The following EPS15 variants were observed in gnomAD, a reference collection of about 807,000 sequenced individuals.
EPS15 encodes epidermal growth factor receptor substrate 15.
Under a neutral mutation model 113.8 loss-of-function variants are expected in EPS15, and 72 were observed. That is an observed-to-expected ratio of 0.63 (90% CI 0.52 to 0.77). The LOEUF (loss-of-function observed/expected upper bound fraction) is 0.77. EPS15 is among the 30% of genes least tolerant of loss of function. The pLI, the probability that EPS15 is intolerant of heterozygous loss-of-function variation, is 0.00. For missense variants in EPS15, 1,048 were observed against 1,045.8 expected (o/e 1.00, Z -0.03); for synonymous variants, 344 against 363.4 (o/e 0.95, Z 0.61).
At chr1:51,485,538 G>T (rs145291077) in intron 1 of EPS15, among the ~76,000 whole-genome samples, 10 of 151,900 alleles carry the variant, frequency 6.6e-5, no homozygotes, top group South Asian at 2.1e-4. Context: ...GACCAACCTG[G>T]GCAACACAGT....
At chr1:51,431,305 T>C (rs896164091) in intron 12 of EPS15, among the ~76,000 whole-genome samples, 1 of 152,092 alleles carries the variant, frequency 6.6e-6, no homozygotes, top group Non-Finnish European at 1.5e-5. Context: ...AATATATTTA[T>C]GGGTGTAAGT....
intron 8 of EPS15, among the ~76,000 whole-genome samples, chr1:51,451,913 G>GTTTTTTTTTTT (rs1653600800): frequency 7.0e-6 from 1 of 143,782 alleles, no homozygotes; most frequent in African/African-American, 2.6e-5. Context: ...TTTTTTTTTG[G>GTTTTTTTTTTT]TTGGTTTGTT....
chr1:51,468,507 C>G lies in EPS15; in HGVS notation c.275G>C (p.Ser92Thr). The part of the protein sequence containing the change: ...CAQNGLEVSL[S>T]SLNLAVPPPR... ...TGGAGGAACAGCCAGGTTCAAACTA[C>G]TTAGTGAAACTTCCAATCCATTCTG... The change falls in exon 5 of 25, where the codon AGT becomes ACT. Residue 92 changes from serine to threonine, a missense_variant. Ser to Thr is a moderately conservative substitution (Grantham distance 58, BLOSUM62 1). Coordinates refer to ENST00000371733, the MANE Select transcript of EPS15 (RefSeq NM_001981.3). 1 of 1,613,364 alleles carries G rather than the reference C, an allele frequency of 6.2e-7. No homozygotes were observed. Among genetic ancestry groups the G allele is most frequent in the Non-Finnish European group, 8.5e-7 (1 of 1,179,318 alleles).
chr1:51,356,631 C>A lies in EPS15; in HGVS notation c.*69G>T, dbSNP rs1215415582. The A allele has an allele frequency of 7.4e-7, 1 of 1,342,574 alleles. No homozygotes were observed. The highest frequency in any genetic ancestry group is 1.0e-6 in the Non-Finnish European group (1 of 978,236). The allele number at this position is 1,342,574 out of a possible 1,614,324, so 83.2% of individuals were successfully genotyped here. A position where few individuals can be genotyped will look rare whatever the true frequency, so the allele number is the denominator to read the frequency against. On this transcript the variant is annotated 3_prime_UTR_variant, in exon 25 of 25. Coordinates refer to ENST00000371733, the MANE Select transcript of EPS15 (RefSeq NM_001981.3). Reference sequence around the variant, plus strand: ...CCCATGCTCACAGGTAGTTTTGATACACATTGTAAATAGTTTCAGTATTCA... The same window carrying A: ...CCCATGCTCACAGGTAGTTTTGATAAACATTGTAAATAGTTTCAGTATTCA...
At chr1:51,360,190 C>T (rs560056137) in intron 24 of EPS15, among the ~76,000 whole-genome samples, 4 of 152,098 alleles carry the variant, frequency 2.6e-5, no homozygotes, top group Admixed American at 2.0e-4. Flanking sequence ...AAATATTAGG[C>T]AGAGTTACCT....
chr1:51,406,159 T>C (rs1324370301), intron 15 of EPS15, 51 bp from the exon 16 acceptor site: 1 of 1,532,996 alleles, frequency 6.5e-7, no homozygotes. Flanking sequence ...TAGAAAGACA[T>C]GTAACATAAA....
At chr1:51,514,908 T>C (rs1445543897) in intron 1 of EPS15, among the ~76,000 whole-genome samples, 1 of 152,220 alleles carries the variant, frequency 6.6e-6, no homozygotes, top group Non-Finnish European at 1.5e-5. Flanking sequence ...TTTCCCATTG[T>C]AGGAACTCAA....
chr1:51,445,026 C>A lies in EPS15; in HGVS notation c.817G>T (p.Asp273Tyr). 1 of 1,613,712 alleles carries A rather than the reference C, an allele frequency of 6.2e-7. No individual in the cohort carries two copies. Among genetic ancestry groups the A allele is most frequent in the Non-Finnish European group, 8.5e-7 (1 of 1,179,774 alleles). ...TGATCCTTTGAAAGCTTCCCACAGT[C>A]CTTTGTGTCGCATAATGACCTGCAC... ...AHIWSLCDTK[D>Y]CGKLSKDQFA... Residue 273 changes from aspartate to tyrosine, a missense_variant, in exon 11 of 25, where the codon GAC becomes TAC. Coordinates refer to ENST00000371733, the MANE Select transcript of EPS15 (RefSeq NM_001981.3).
At chr1:51,399,775 T>C (rs531477247) in intron 19 of EPS15, among the ~76,000 whole-genome samples, 1 of 152,086 alleles carries the variant, frequency 6.6e-6, no homozygotes, top group African/African-American at 2.4e-5. Flanking sequence ...ATGAGAATAA[T>C]AGCTTGAGCA....
intron 5 of EPS15, among the ~76,000 whole-genome samples, chr1:51,467,854 A>G (rs1181573080): frequency 6.6e-6 from 1 of 152,208 alleles, no homozygotes; most frequent in Non-Finnish European, 1.5e-5. Context: ...TCCCAGGTCC[A>G]TGGAAAAATT....
At chr1:51,387,704 A>C (rs1280774359) in intron 21 of EPS15, among the ~76,000 whole-genome samples, 1 of 152,204 alleles carries the variant, frequency 6.6e-6, no homozygotes, top group Admixed American at 6.5e-5. Context: ...AAACCAACAA[A>C]GATCAAAAGA....
At chr1:51,494,559 G>T (rs1211648899) in intron 1 of EPS15, among the ~76,000 whole-genome samples, 3 of 152,122 alleles carry the variant, frequency 2.0e-5, no homozygotes, top group African/African-American at 7.2e-5. Context: ...CACTCAACAA[G>T]GTAGACCACT....
intron 11 of EPS15, among the ~76,000 whole-genome samples, chr1:51,443,506 C>G (rs187194982): frequency 7.3e-5 from 11 of 149,820 alleles, no homozygotes; most frequent in Admixed American, 6.6e-4. Flanking sequence ...ACAAAAAGGC[C>G]CCCCCCATAA....
intron 1 of EPS15, among the ~76,000 whole-genome samples, chr1:51,491,848 C>A (rs1392170024): frequency 6.7e-6 from 1 of 149,518 alleles, no homozygotes; most frequent in Non-Finnish European, 1.5e-5. Flanking sequence ...CTGTAATTCC[C>A]AACTCATTTA....
intron 21 of EPS15, among the ~76,000 whole-genome samples, chr1:51,391,222 C>A (rs1481840074): frequency 1.3e-5 from 2 of 151,952 alleles, no homozygotes; most frequent in Non-Finnish European, 2.9e-5. Context: ...GGACAAAAAA[C>A]CAAACACCGC....
At chr1:51,472,818 C>T in intron 3 of EPS15, 41 bp downstream of exon 3, 2 of 1,440,524 alleles carry the variant, frequency 1.4e-6, no homozygotes, top group Non-Finnish European at 2.0e-6. Context: ...AGTACACATT[C>T]CTTACAAACT....
chr1:51,438,869 A>AT (rs1043150033), intron 12 of EPS15, among the ~76,000 whole-genome samples: 297 of 148,320 alleles, frequency 2.0e-3, no homozygotes, highest in African/African-American at 6.4e-3. Flanking sequence ...TTTGGATTTG[A>AT]TTTTTTTTTT....
At chr1:51,409,081 C>T (rs1413062690) in intron 14 of EPS15, among the ~76,000 whole-genome samples, 1 of 152,138 alleles carries the variant, frequency 6.6e-6, no homozygotes, top group Non-Finnish European at 1.5e-5. Context: ...CCACTGCACC[C>T]AACCAGCTTT....
At chr1:51,400,712 C>CAAAAAAAAAAAAAAAAAAAAAAA (rs375748381) in intron 19 of EPS15, among the ~76,000 whole-genome samples, 9 of 60,144 alleles carry the variant, frequency 1.5e-4, no homozygotes, top group Non-Finnish European at 2.2e-4. Flanking sequence ...CAAAAAACAC[C>CAAAAAAAAAAAAAAAAAAAAAAA]AAAAAAAAAA....
Sources: gnomAD v4.1 joint callset for allele counts (sites outside exome capture counted in the v4.1 genomes callset) on GRCh38, gnomAD v4.1.1 for gene constraint, MANE v1.5 for transcripts, NCBI Gene and HGNC (gene_info 2026-07-23, HGNC 2026-07-21) for gene names.